The following ABCC6 variants were observed in gnomAD, a reference collection of about 807,000 sequenced individuals.
The protein encoded by ABCC6 is ATP-binding cassette sub-family C member 6.
Under a neutral mutation model 169.5 loss-of-function variants are expected in ABCC6, and 126 were observed. That is an observed-to-expected ratio of 0.74 (90% CI 0.64 to 0.86). The LOEUF (loss-of-function observed/expected upper bound fraction) is 0.86. Among genes scored for constraint, ABCC6 ranks in the 40% least tolerant of loss-of-function variants. The pLI is 0.00. For synonymous variants in ABCC6, 752 were observed against 814.7 expected, an observed-to-expected ratio of 0.92 and a Z score of 1.31; for missense variants, 1,733 against 1,927.2, an observed-to-expected ratio of 0.90 and a Z score of 1.89.
chr16:16,183,068 G>T, intron 15 of ABCC6, 138 bp from the exon 16 acceptor site: 1 of 1,342,046 alleles, frequency 7.5e-7, no homozygotes, highest in Non-Finnish European at 1.1e-6. Context: ...CTTTTTCCCA[G>T]TCCTTGTCTA....
In ABCC6 at chr16:16,173,418, G is replaced by A; in HGVS notation, c.2667-14C>T. 4 of 1,614,050 alleles carry A rather than the reference G, an allele frequency of 2.5e-6. No individual in the cohort carries two copies. The highest frequency in any genetic ancestry group is 3.4e-6 in the Non-Finnish European group (4 of 1,180,002). On this transcript the variant is annotated splice_polypyrimidine_tract_variant and intron_variant, in intron 20 of 30. Coordinates refer to ENST00000205557, the MANE Select transcript of ABCC6 (RefSeq NM_001171.6). ...GACTTGATGGACCTGTCATTTAGAG[G>A]AAATGAAGACAAAGTCAGTATCTCT...
intron 4 of ABCC6, among the ~76,000 whole-genome samples, 195 bp from the exon 5 acceptor site, chr16:16,214,644 G>A (rs537793439): frequency 3.3e-5 from 5 of 151,970 alleles, no homozygotes; most frequent in East Asian, 1.9e-4. Flanking sequence ...TCACTTGGTC[G>A]CCCAGGCTGA....
At chr16:16,184,544 C>T (rs1383566928) in intron 15 of ABCC6, among the ~76,000 whole-genome samples, 1 of 152,162 alleles carries the variant, frequency 6.6e-6, no homozygotes, top group Non-Finnish European at 1.5e-5. Context: ...TTTTTGGCCA[C>T]AAAGACCAAG....
intron 7 of ABCC6, among the ~76,000 whole-genome samples, chr16:16,207,718 C>T (rs907917093): frequency 5.3e-5 from 8 of 152,212 alleles, no homozygotes; most frequent in Non-Finnish European, 1.2e-4. Flanking sequence ...CCAAGGTCAT[C>T]ACTATTTGAA....
At chr16:16,157,602 T>G (rs1403057495) in intron 27 of ABCC6, 61 bp downstream of exon 27, 9 of 1,608,240 alleles carry the variant, frequency 5.6e-6, no homozygotes, top group Non-Finnish European at 7.6e-6. Flanking sequence ...GTTTAGGGCC[T>G]TGTCCCTGGA....
At position 16,154,755 on chromosome 16, in the gene ABCC6, C is replaced by A. The variant is rs58695352; in HGVS notation, c.4081G>T (p.Asp1361Tyr). The A allele has an allele frequency of 6.2e-7, 1 of 1,612,762 alleles. No individual in the cohort carries two copies. The highest frequency in any genetic ancestry group is 1.7e-5 in the Admixed American group (1 of 59,848). The change falls in exon 29 of 31, where the codon GAC (aspartate) becomes TAC (tyrosine). Residue 1361 changes from aspartate (D) to tyrosine (Y), a missense_variant. Around this residue, in one of 5 missense-constraint regions of ABCC6, gnomAD observed 1,601 missense variants for 1,635.5 expected, o/e 0.98. Transcript: ENST00000205557. The part of the protein sequence containing the change: ...LFPGSLRMNL[D>Y]LLQEHSDEAI... ...TCGTCCGAGTGCTCCTGCAGCAGGT[C>A]GAGGTTCATCCGCAGAGAGCCAGGG...
intron 24 of ABCC6, 71 bp downstream of exon 24, chr16:16,162,922 T>C: frequency 1.9e-6 from 3 of 1,595,308 alleles, no homozygotes; most frequent in Non-Finnish European, 2.6e-6. Context: ...TACCATACAA[T>C]ATGACCTCAG....
intron 8 of ABCC6, among the ~76,000 whole-genome samples, chr16:16,202,393 A>C (rs532613863): frequency 9.9e-5 from 15 of 152,082 alleles, no homozygotes; most frequent in African/African-American, 3.6e-4. Context: ...CCTCAAGATC[A>C]AGAGGTGGAG....
At chr16:16,187,081 C>A in intron 14 of ABCC6, 43 bp downstream of exon 14, 74 of 1,529,680 alleles carry the variant, frequency 4.8e-5, no homozygotes, top group South Asian at 5.7e-5. Flanking sequence ...GCCCCCACAT[C>A]CCCCATCCCT....
At position 16,183,020 on chromosome 16, in the gene ABCC6, CT is replaced by C. The variant is rs1171016267; in HGVS notation, c.1944-91del. The C allele has an allele frequency of 7.5e-6, 12 of 1,603,442 alleles. No individual in the cohort carries two copies. In the East Asian group the frequency reaches 8.9e-5, roughly 12 times the overall value. ...GAGCCCCAGACGGAGCTGAGCTTTC[CT>C]GCTCTGGGAGTCTCCAAGAGGACCT... On this transcript the variant is annotated intron_variant, in intron 15 of 30. Transcript: ENST00000205557.
chr16:16,177,993 A>C (rs1382969953), intron 18 of ABCC6, among the ~76,000 whole-genome samples: 1 of 149,858 alleles, frequency 6.7e-6, no homozygotes, highest in Non-Finnish European at 1.5e-5. Context: ...AAAAGAAACA[A>C]AGGAAGGAAG....
intron 21 of ABCC6, among the ~76,000 whole-genome samples, chr16:16,170,312 C>T (rs558130516): frequency 1.4e-4 from 22 of 152,214 alleles, no homozygotes; most frequent in African/African-American, 5.3e-4. Flanking sequence ...GTTGCCCAGG[C>T]TAGTCTCAGA....
intron 10 of ABCC6, 143 bp from the exon 11 acceptor site, chr16:16,193,065 G>GTAT (rs2047919100): frequency 1.5e-6 from 1 of 679,238 alleles, no homozygotes; most frequent in Admixed American, 2.6e-5. Flanking sequence ...GACGGTTAGG[G>GTAT]TATTGTAAGT....
intron 7 of ABCC6, among the ~76,000 whole-genome samples, chr16:16,207,971 T>C (rs1417783136): frequency 6.6e-6 from 1 of 150,878 alleles, no homozygotes; most frequent in Non-Finnish European, 1.5e-5. Context: ...TAAATCATCC[T>C]TTTTTTTCAT....
chr16:16,182,694 G>A, intron 16 of ABCC6, 106 bp from the exon 17 acceptor site: 1 of 1,564,504 alleles, frequency 6.4e-7, no homozygotes. Context: ...GAGAGGTGGA[G>A]AGAATGAGTG....
At position 16,151,139 on chromosome 16, in the gene ABCC6, G is replaced by A. The variant is rs142326407; in HGVS notation, c.4209-367C>T. 8.6e-3 allele frequency among the ~76,000 whole-genome samples: 1,300 copies of A among 151,340 alleles called. 17 individuals carry two copies. The highest frequency in any genetic ancestry group is 0.03 in the African/African-American group (1,220 of 41,238). ...GCGTGCAATGGCACAATCTCAGCTCGCTGCAACTTCTGCCTCCCGGTTCAA... is the reference window on the plus strand; with the variant it reads ...GCGTGCAATGGCACAATCTCAGCTCACTGCAACTTCTGCCTCCCGGTTCAA... On this transcript the variant is annotated intron_variant, in intron 29 of 30. Coordinates refer to ENST00000205557, the MANE Select transcript of ABCC6 (RefSeq NM_001171.6).
chr16:16,175,385 C>T (rs548939014), intron 20 of ABCC6, among the ~76,000 whole-genome samples: 302 of 152,320 alleles, frequency 2.0e-3, no homozygotes, highest in Non-Finnish European at 3.5e-3. Flanking sequence ...GCAGCAGGTC[C>T]TTCTGCTGCC....
At position 16,208,615 on chromosome 16, in the gene ABCC6, G is replaced by A. The variant is rs142552426; in HGVS notation, c.794+113C>T. 29,008 of 1,551,816 alleles carry A rather than the reference G, an allele frequency of 0.019. 330 individuals carry two copies. Among genetic ancestry groups the A allele is most frequent in the Non-Finnish European group, 0.022 (24,551 of 1,127,680 alleles). On this transcript the variant is annotated intron_variant, in intron 7 of 30. Transcript: ENST00000205557. ...TCTTGAACTCCTGACCTTGTGATCCGCCTGCCTCGGCCTCCCAAAATGCCG... is the reference window on the plus strand; with the variant it reads ...TCTTGAACTCCTGACCTTGTGATCCACCTGCCTCGGCCTCCCAAAATGCCG...
chr16:16,161,586 G>C (rs748628005), intron 24 of ABCC6, 22 bp from the exon 25 acceptor site: 1 of 1,613,756 alleles, frequency 6.2e-7, no homozygotes, highest in Admixed American at 1.7e-5. Flanking sequence ...AGCGACAGCA[G>C]GGTGAGTGGT....
Sources: allele counts gnomAD v4.1 joint callset (sites outside exome capture counted in the v4.1 genomes callset), GRCh38; gene constraint gnomAD v4.1.1; regional missense constraint gnomAD v4.1.1; transcripts MANE v1.5; gene names NCBI Gene and HGNC (gene_info 2026-07-23, HGNC 2026-07-21).